Variants in UMAD1 observed in about 807,000 individuals in gnomAD.
The protein encoded by UMAD1 is UBAP1-MVB12-associated (UMA)-domain containing protein 1.
A neutral mutation model predicts 6.1 loss-of-function variants in UMAD1; 8 were observed. The ratio of observed to expected loss-of-function variants is 1.30; its 90% CI spans 0.76 to 2.35. The LOEUF (loss-of-function observed/expected upper bound fraction) is 2.35, where lower values mean the gene tolerates loss of function less well. UMAD1 is among the 30% of genes most tolerant of loss of function. The pLI, the probability that UMAD1 is intolerant of heterozygous loss-of-function variation, is 0.00. For missense variants in UMAD1, 130 were observed against 78.4 expected (o/e 1.66, Z -2.49); for synonymous variants, 56 against 31.4 (o/e 1.78, Z -2.61).
intron 3 of UMAD1, among the ~76,000 whole-genome samples, chr7:7,833,577 G>T (rs1403456312): frequency 2.6e-5 from 4 of 152,114 alleles, no homozygotes; most frequent in Non-Finnish European, 5.9e-5. Flanking sequence ...AATTAAAATA[G>T]GTTGTCAGGA....
intron 2 of UMAD1, among the ~76,000 whole-genome samples, chr7:7,771,393 T>C (rs1016959671): frequency 6.6e-6 from 1 of 152,072 alleles, no homozygotes; most frequent in South Asian, 2.1e-4. Flanking sequence ...GCAAAGCTGA[T>C]GGTTAGGGGG....
At chr7:7,771,606 AC>A (rs1782103128) in intron 2 of UMAD1, among the ~76,000 whole-genome samples, 1 of 152,030 alleles carries the variant, frequency 6.6e-6, no homozygotes, top group Non-Finnish European at 1.5e-5. Flanking sequence ...TTCCATTGCA[AC>A]CCTCCAGTGA....
intron 3 of UMAD1, among the ~76,000 whole-genome samples, chr7:7,866,460 G>T (rs767848161): frequency 3.3e-5 from 5 of 152,220 alleles, no homozygotes; most frequent in Admixed American, 6.5e-5. Context: ...AAAGAGGCTT[G>T]TGTGACCTGG....
intron 2 of UMAD1, among the ~76,000 whole-genome samples, chr7:7,758,428 T>A (rs1036228243): frequency 2.0e-5 from 3 of 152,140 alleles, no homozygotes; most frequent in Admixed American, 6.5e-5. Context: ...TAAATTTTTT[T>A]ATATAATAAT....
At chr7:7,666,600 T>C (rs1779464929) in intron 1 of UMAD1, among the ~76,000 whole-genome samples, 1 of 152,172 alleles carries the variant, frequency 6.6e-6, no homozygotes, top group African/African-American at 2.4e-5. Flanking sequence ...ACTGATGATA[T>C]GGGTCATTTT....
chr7:7,815,969 G>T (rs778312928), intron 3 of UMAD1, among the ~76,000 whole-genome samples: 19 of 152,096 alleles, frequency 1.2e-4, no homozygotes, highest in Non-Finnish European at 2.8e-4. Flanking sequence ...GTGATGCCTG[G>T]ATTCTATTTA....
chr7:7,801,013 G>A (rs1782788065), intron 2 of UMAD1, among the ~76,000 whole-genome samples: 1 of 152,180 alleles, frequency 6.6e-6, no homozygotes, highest in Non-Finnish European at 1.5e-5. Flanking sequence ...ATTAAAATGG[G>A]CCAATTATGA....
chr7:7,721,332 A>C (rs948728734), intron 2 of UMAD1, among the ~76,000 whole-genome samples: 1 of 152,166 alleles, frequency 6.6e-6, no homozygotes, highest in African/African-American at 2.4e-5. Flanking sequence ...CTTTTCTCAC[A>C]TATTCCATAT....
chr7:7,703,251 G>C (rs989395075), intron 2 of UMAD1, among the ~76,000 whole-genome samples: 1 of 152,078 alleles, frequency 6.6e-6, no homozygotes, highest in Non-Finnish European at 1.5e-5. Context: ...TTACAGTGAG[G>C]CTTCTATAAT....
intron 2 of UMAD1, chr7:7,742,574 G>T: frequency 1.9e-6 from 1 of 514,000 alleles, no homozygotes; most frequent in South Asian, 1.5e-5. Flanking sequence ...TTGTGAAAAG[G>T]GTCAGGACAA....
In UMAD1 at chr7:7,703,713, G is replaced by T. The variant is rs141291521; in HGVS notation, c.82+30260G>T. ...TCAGCACTTTGGGAAGCCGAGACTGGCAGATCGCTTGAGCCCAGGAGTTTG... is the reference window on the plus strand; with the variant it reads ...TCAGCACTTTGGGAAGCCGAGACTGTCAGATCGCTTGAGCCCAGGAGTTTG... On this transcript the variant is annotated intron_variant, in intron 2 of 3. Transcript: ENST00000682710. 4.6e-5 allele frequency among the ~76,000 whole-genome samples: 7 copies of T among 152,254 alleles called. No individual in the cohort carries two copies. The East Asian group carries it at 1.4e-3, about 29-fold the overall frequency.
intron 3 of UMAD1, among the ~76,000 whole-genome samples, chr7:7,815,757 G>C (rs564191660): frequency 3.5e-4 from 53 of 152,264 alleles, no homozygotes; most frequent in African/African-American, 1.1e-3. Flanking sequence ...GCCTGGTAAG[G>C]AGCCTACTTT....
intron 2 of UMAD1, among the ~76,000 whole-genome samples, chr7:7,698,008 AT>A (rs2115148628): frequency 6.6e-6 from 1 of 152,188 alleles, no homozygotes; most frequent in African/African-American, 2.4e-5. Flanking sequence ...TACTCATTTG[AT>A]TGTTAGAATG....
intron 2 of UMAD1, among the ~76,000 whole-genome samples, chr7:7,775,173 G>A (rs1782178700): frequency 6.6e-6 from 1 of 152,132 alleles, no homozygotes. Context: ...GCTTCTGTCT[G>A]TTCAAATAAG....
chr7:7,827,147 A>ATATGTG (rs1242634250), intron 3 of UMAD1, among the ~76,000 whole-genome samples: 7 of 134,150 alleles, frequency 5.2e-5, no homozygotes, highest in South Asian at 2.5e-4. Context: ...ATATATATAT[A>ATATGTG]TGTGTGTGTG....
At chr7:7,736,922 C>G (rs1464512878) in intron 2 of UMAD1, 2 of 152,270 alleles carry the variant, frequency 1.3e-5, no homozygotes, top group Non-Finnish European at 2.9e-5. Flanking sequence ...TGGTGGGAAA[C>G]AATCTGAAAA....
chr7:7,849,944 A>C (rs573087189), intron 3 of UMAD1, among the ~76,000 whole-genome samples: 1 of 152,250 alleles, frequency 6.6e-6, no homozygotes, highest in South Asian at 2.1e-4. Context: ...AGCAAAGGCA[A>C]ATTAAAATAT....
At chr7:7,766,312 C>T (rs985108884) in intron 2 of UMAD1, among the ~76,000 whole-genome samples, 3 of 152,150 alleles carry the variant, frequency 2.0e-5, no homozygotes, top group African/African-American at 7.2e-5. Flanking sequence ...TGCAGATCCA[C>T]AGTTTATATT....
At chr7:7,665,828 T>C (rs1352402784) in intron 1 of UMAD1, among the ~76,000 whole-genome samples, 4 of 152,152 alleles carry the variant, frequency 2.6e-5, no homozygotes, top group Non-Finnish European at 5.9e-5. Flanking sequence ...CATCAGCTTT[T>C]TTTTTTTTTG....
Sources: gnomAD v4.1 joint callset for allele counts (sites outside exome capture counted in the v4.1 genomes callset) on GRCh38, gnomAD v4.1.1 for gene constraint, MANE v1.5 for transcripts, NCBI Gene and HGNC (gene_info 2026-07-23, HGNC 2026-07-21) for gene names.